Variants in DIP2C observed in about 807,000 individuals in gnomAD.
The protein encoded by DIP2C is DIP2 acetate--CoA ligase C (putative).
In DIP2C, 33 loss-of-function variants were observed where a neutral mutation model predicts 192.4. The ratio of observed to expected loss-of-function variants is 0.17; its 90% CI spans 0.13 to 0.23. The LOEUF (loss-of-function observed/expected upper bound fraction) is 0.23. Ranked by LOEUF, DIP2C falls within the 10% of genes least tolerant of loss-of-function variation. The probability of loss-of-function intolerance (pLI) is 1.00; values close to 1 mark genes in which losing one functional copy is unlikely to be tolerated. For missense variants in DIP2C, 1,537 were observed against 2,110.1 expected, an observed-to-expected ratio of 0.73 and a Z score of 5.32; for synonymous variants, 979 against 864.1, an observed-to-expected ratio of 1.13 and a Z score of -2.33.
At position 581,200 on chromosome 10, in the gene DIP2C, A is replaced by AGAAAGC. The variant is rs1336924909; in HGVS notation, c.86-94671_86-94670insGCTTTC. 7.2e-5 allele frequency among the ~76,000 whole-genome samples: 11 copies of AGAAAGC among 152,302 alleles called. No homozygotes were observed. The South Asian group carries it at 1.7e-3, about 23-fold the overall frequency. ...TTAGACGCTTTCTGATACTTACTCT[A>AGAAAGC]GTCTACTTGTTTCCCTTTCTTGAAT... On this transcript the variant is annotated intron_variant, in intron 1 of 36. Transcript: ENST00000280886.
intron 1 of DIP2C, among the ~76,000 whole-genome samples, chr10:533,013 C>T (rs1012651334): frequency 1.3e-5 from 2 of 152,098 alleles, no homozygotes; most frequent in East Asian, 1.9e-4. Flanking sequence ...AGCCACTATG[C>T]CCAGCCTGGA....
At position 489,217 on chromosome 10, in the gene DIP2C, C is replaced by T. The variant is rs546913008; in HGVS notation, c.86-2687G>A. On this transcript the variant is annotated intron_variant, in intron 1 of 36. Transcript: ENST00000280886. ...AGTTATTTTTAACTCTGGACTGCCT[C>T]AGCATCTGGTAGACAGAGGTCCACC... 1.6e-4 allele frequency among the ~76,000 whole-genome samples: 25 copies of T among 152,328 alleles called. 1 individual carries two copies. The South Asian group carries it at 5.2e-3, about 32-fold the overall frequency.
At chr10:452,335 C>T (rs1029254383) in intron 3 of DIP2C, among the ~76,000 whole-genome samples, 1 of 152,166 alleles carries the variant, frequency 6.6e-6, no homozygotes, top group African/African-American at 2.4e-5. Flanking sequence ...GCTAAGGGGT[C>T]TTCTCAGTGC....
In DIP2C at chr10:341,875, T is replaced by C. The variant is rs1958164041; in HGVS notation, c.3454-546A>G. 2.0e-5 allele frequency among the ~76,000 whole-genome samples: 3 copies of C among 152,160 alleles called. No individual in the cohort carries two copies. The South Asian group carries it at 6.2e-4, about 32-fold the overall frequency. On this transcript the variant is annotated intron_variant, in intron 28 of 36. Transcript: ENST00000280886. ...CTGGACAACGGAGTGAGACCCTGTC[T>C]CTTCAATAAATTTTAGAGAACAAAA...
At chr10:656,057 T>C (rs918888327) in intron 1 of DIP2C, among the ~76,000 whole-genome samples, 12 of 151,274 alleles carry the variant, frequency 7.9e-5, no homozygotes, top group African/African-American at 2.9e-4. Context: ...TGTCCTATTG[T>C]ATACTATATA....
At chr10:300,917 G>T (rs1172343036) in intron 32 of DIP2C, among the ~76,000 whole-genome samples, 3 of 152,230 alleles carry the variant, frequency 2.0e-5, no homozygotes, top group Non-Finnish European at 2.9e-5. Flanking sequence ...GAAAGGACTT[G>T]AAAAGTATCT....
intron 32 of DIP2C, among the ~76,000 whole-genome samples, chr10:301,503 G>C (rs552248538): frequency 6.6e-6 from 1 of 152,240 alleles, no homozygotes; most frequent in East Asian, 1.9e-4. Context: ...ATAAACTGAG[G>C]CCCTAAAAGG....
chr10:323,802 G>A (rs1190224840), intron 31 of DIP2C, among the ~76,000 whole-genome samples: 4 of 152,176 alleles, frequency 2.6e-5, no homozygotes, highest in African/African-American at 9.7e-5. Flanking sequence ...GGACTCATGA[G>A]CAGTGTGGTC....
At chr10:617,689 C>T (rs1424682514) in intron 1 of DIP2C, among the ~76,000 whole-genome samples, 1 of 135,096 alleles carries the variant, frequency 7.4e-6, no homozygotes, top group Non-Finnish European at 1.6e-5. Flanking sequence ...GGGGCGTCTT[C>T]CACTTGCGGT....
At chr10:635,499 T>A (rs1854775845) in intron 1 of DIP2C, among the ~76,000 whole-genome samples, 1 of 152,134 alleles carries the variant, frequency 6.6e-6, no homozygotes, top group South Asian at 2.1e-4. Flanking sequence ...GGAAGCCGGG[T>A]CTCTGGGGCG....
At chr10:581,274 A>G (rs762605974) in intron 1 of DIP2C, among the ~76,000 whole-genome samples, 64 of 152,316 alleles carry the variant, frequency 4.2e-4, no homozygotes, top group Non-Finnish European at 3.5e-4. Context: ...TGTATGTCTA[A>G]AAAGTTAATA....
At chr10:646,420 A>T (rs1338355726) in intron 1 of DIP2C, among the ~76,000 whole-genome samples, 1 of 152,028 alleles carries the variant, frequency 6.6e-6, no homozygotes, top group African/African-American at 2.4e-5. Flanking sequence ...ACTCCCCCAT[A>T]GCCTGGAAAC....
At chr10:368,812 C>T (rs901628030) in intron 18 of DIP2C, among the ~76,000 whole-genome samples, 6 of 152,224 alleles carry the variant, frequency 3.9e-5, no homozygotes, top group Non-Finnish European at 8.8e-5. Context: ...CTCCAGGATT[C>T]CCAGCTGAGA....
At chr10:615,366 C>T (rs1346864913) in intron 1 of DIP2C, among the ~76,000 whole-genome samples, 4 of 152,140 alleles carry the variant, frequency 2.6e-5, no homozygotes, top group African/African-American at 7.2e-5. Context: ...CGCAGCCACC[C>T]GCATAGGGGC....
chr10:615,199 A>T (rs1325017705), intron 1 of DIP2C, among the ~76,000 whole-genome samples: 1 of 152,240 alleles, frequency 6.6e-6, no homozygotes, highest in Non-Finnish European at 1.5e-5. Flanking sequence ...TGCGGTCCCT[A>T]GGCGGGCTGC....
intron 29 of DIP2C, among the ~76,000 whole-genome samples, chr10:330,745 G>T (rs1319378516): frequency 6.7e-6 from 1 of 150,294 alleles, no homozygotes; most frequent in East Asian, 2.0e-4. Flanking sequence ...CTGTGGCCAT[G>T]TAAGATGTGC....
chr10:602,317 T>G (rs1196904517), intron 1 of DIP2C, among the ~76,000 whole-genome samples: 1 of 152,180 alleles, frequency 6.6e-6, no homozygotes, highest in African/African-American at 2.4e-5. Flanking sequence ...TTGCAGCAAA[T>G]GCAGCTGAGA....
intron 1 of DIP2C, among the ~76,000 whole-genome samples, chr10:547,525 A>G (rs1564837945): frequency 6.6e-6 from 1 of 152,186 alleles, no homozygotes; most frequent in Non-Finnish European, 1.5e-5. Flanking sequence ...ACAGTGAGGT[A>G]CCCAGCAGGG....
chr10:579,919 T>C (rs1850487010), intron 1 of DIP2C, among the ~76,000 whole-genome samples: 1 of 152,052 alleles, frequency 6.6e-6, no homozygotes. Context: ...GCATACAATG[T>C]ACATATAGGT....
Sources: gnomAD v4.1 joint callset for allele counts (sites outside exome capture counted in the v4.1 genomes callset) on GRCh38, gnomAD v4.1.1 for gene constraint, MANE v1.5 for transcripts, NCBI Gene and HGNC (gene_info 2026-07-23, HGNC 2026-07-21) for gene names.